Variants in TEP1 observed in about 807,000 individuals in gnomAD.
The protein encoded by TEP1 is telomerase associated protein 1, also known as telomerase protein component 1.
A neutral mutation model predicts 306.3 loss-of-function variants in TEP1; 241 were observed. The ratio of observed to expected loss-of-function variants is 0.79; its 90% CI spans 0.71 to 0.88. TEP1 has a LOEUF of 0.88. Ranked by LOEUF, TEP1 falls within the 40% of genes least tolerant of loss-of-function variation. The pLI, the probability that TEP1 is intolerant of heterozygous loss-of-function variation, is 0.00. For synonymous variants in TEP1, 1,289 were observed against 1,305.5 expected (o/e 0.99, Z 0.27); for missense variants, 3,051 against 3,276.1 (o/e 0.93, Z 1.68).
rs1030153465 is a variant in TEP1 at position 20,366,416 on chromosome 14, T to A, written c.*2021A>T. 1 of 152,186 alleles carries A rather than the reference T, an allele frequency of 6.6e-6. No individual in the cohort carries two copies. Among genetic ancestry groups the A allele is most frequent in the African/African-American group, 2.4e-5 (1 of 41,426 alleles). 9.4% of individuals were successfully genotyped at this position (152,186 alleles called of 1,614,324 possible). A position where few individuals can be genotyped will look rare whatever the true frequency, so the allele number is the denominator to read the frequency against. On this transcript the variant is annotated 3_prime_UTR_variant, in exon 55 of 55. Transcript: ENST00000262715. ...TTCGCTGCAGGATTTCTGGCAAGGA[T>A]TATGGATCATAAATTTCAAAATACC...
At chr14:20,393,321 ATATT>A (rs1480346231) in intron 12 of TEP1, among the ~76,000 whole-genome samples, 7 of 152,204 alleles carry the variant, frequency 4.6e-5, no homozygotes, top group Non-Finnish European at 7.3e-5. Context: ...ACTTGTGTGC[ATATT>A]TAAAGTTTTT....
In TEP1 at chr14:20,388,023, C is replaced by T. The variant is rs779086209; in HGVS notation, c.2566G>A (p.Val856Met). 6.2e-7 allele frequency: 1 copy of T among 1,614,130 alleles called. No homozygotes were observed. The highest frequency in any genetic ancestry group is 8.5e-7 in the Non-Finnish European group (1 of 1,180,016). Residue 856 changes from valine to methionine, a missense_variant, in exon 18 of 55, where the codon GTG becomes ATG. Val to Met is a conservative substitution (Grantham distance 21). Coordinates refer to ENST00000262715, the MANE Select transcript of TEP1 (RefSeq NM_007110.5). ...EHGASHLLEH[V>M]GQMDKIFKIP... ...TTGAATATTTTGTCCATTTGGCCCA[C>T]ATGTTCCAGAAGATGGGAGGCCCCA...
chr14:20,375,972 G>T, intron 42 of TEP1, 104 bp from the exon 43 acceptor site: 1 of 1,472,310 alleles, frequency 6.8e-7, no homozygotes, highest in Non-Finnish European at 9.4e-7. Flanking sequence ...GCACAAGGAA[G>T]CACAGGCAGA....
At chr14:20,393,184 T>G (rs1466348499) in intron 12 of TEP1, among the ~76,000 whole-genome samples, 1 of 150,458 alleles carries the variant, frequency 6.6e-6, no homozygotes, top group African/African-American at 2.5e-5. Flanking sequence ...GCCACTGCAC[T>G]CCAGCCTGGG....
chr14:20,370,055 C>T (rs996458959), intron 51 of TEP1, among the ~76,000 whole-genome samples: 6 of 152,154 alleles, frequency 3.9e-5, no homozygotes, highest in African/African-American at 1.2e-4. Flanking sequence ...CTGGGAACAC[C>T]GGCGTGCGCC....
At position 20,373,328 on chromosome 14, in the gene TEP1, G is replaced by A. The variant is rs751449109; in HGVS notation, c.6756C>T (p.Leu2252=). The change falls in exon 47 of 55, where the codon CTC becomes CTT. Residue 2252 remains leucine, a synonymous_variant. Coordinates refer to ENST00000262715, the MANE Select transcript of TEP1 (RefSeq NM_007110.5). ...RAAAVSETSG[L]MLTASEDGSV... ...AACCATCCTCAGAGGCGGTCAGCAT[G>A]AGGCCTGAGGTTTCTGAAACAGCAG... The A allele has an allele frequency of 6.2e-7, 1 of 1,614,202 alleles. No individual in the cohort carries two copies. Among genetic ancestry groups the A allele is most frequent in the Non-Finnish European group, 8.5e-7 (1 of 1,180,040 alleles).
In TEP1 at chr14:20,373,545, C is replaced by A. The variant is rs766727831; in HGVS notation, c.6643G>T (p.Gly2215Trp). The A allele has an allele frequency of 6.2e-7, 1 of 1,614,174 alleles. No individual in the cohort carries two copies. The change falls in exon 46 of 55, where the codon GGG becomes TGG. Residue 2215 changes from glycine to tryptophan, a missense_variant. Physicochemically the swap from Gly to Trp is radical, Grantham distance 184. This residue lies in a region of TEP1 where 1,540 missense variants were observed against 1,705.9 expected (regional missense o/e 0.90). Coordinates refer to ENST00000262715, the MANE Select transcript of TEP1 (RefSeq NM_007110.5). ...PGSELLVVTVGLDGATRLWHP... is the reference protein window; with the variant it reads ...PGSELLVVTVWLDGATRLWHP... ...CATAACCGTGTGGCCCCATCTAGCCCGACGGTTACCACCAGAAGCTCTGAC... is the reference window on the plus strand; with the variant it reads ...CATAACCGTGTGGCCCCATCTAGCCAGACGGTTACCACCAGAAGCTCTGAC...
At chr14:20,380,831 C>G in intron 33 of TEP1, 100 bp downstream of exon 33, 1 of 1,011,110 alleles carries the variant, frequency 9.9e-7, no homozygotes, top group South Asian at 1.4e-5. Context: ...TCTTTTTTCC[C>G]TGACACCCAC....
At chr14:20,403,536 C>T (rs1470724441) in intron 6 of TEP1, 88 bp from the exon 7 acceptor site, 1 of 1,596,258 alleles carries the variant, frequency 6.3e-7, no homozygotes, top group African/African-American at 1.4e-5. Context: ...TGCATCTCTA[C>T]CAAAAAGGAA....
intron 49 of TEP1, among the ~76,000 whole-genome samples, chr14:20,372,380 ATGTG>A (rs59329010): frequency 1.2e-3 from 173 of 139,646 alleles, no homozygotes; most frequent in African/African-American, 3.3e-3. Flanking sequence ...GTGTGTGTGT[ATGTG>A]TGTGTGTGTG....
In TEP1 at chr14:20,389,620, C is replaced by A. The variant is rs778267409; in HGVS notation, c.2455G>T (p.Val819Leu). 18 of 1,614,128 alleles carry A rather than the reference C, an allele frequency of 1.1e-5. No individual in the cohort carries two copies. The South Asian group carries it at 1.9e-4, about 17-fold the overall frequency. ...CLFVGILLRR[V>L]QYLSTDLNPN... is the part of the protein sequence containing the mutation. ...TATAAGCACCCTTACAGGTATTGTA[C>A]CCTTCTTAGGAGGATACCAACAAAG... Residue 819 changes from valine to leucine, a missense_variant, in exon 16 of 55, where the codon GTA (valine) becomes TTA (leucine). Val to Leu is a conservative substitution (Grantham distance 32, BLOSUM62 1). Around this residue, in one of 3 missense-constraint regions of TEP1, gnomAD observed 1,507 missense variants for 1,550.5 expected, o/e 0.97. Coordinates refer to ENST00000262715, the MANE Select transcript of TEP1 (RefSeq NM_007110.5).
At chr14:20,412,782 C>T (rs1273497788) in intron 1 of TEP1, among the ~76,000 whole-genome samples, 13 of 149,228 alleles carry the variant, frequency 8.7e-5, no homozygotes, top group African/African-American at 3.2e-4. Context: ...CCTTAGCCTT[C>T]CGAGTAACTG....
chr14:20,408,104 C>T lies in TEP1; in HGVS notation c.336G>A (p.Leu112=), dbSNP rs769649189. 9 of 1,613,462 alleles carry T rather than the reference C, an allele frequency of 5.6e-6. No homozygotes were observed. Among genetic ancestry groups the T allele is most frequent in the Non-Finnish European group, 7.6e-6 (9 of 1,179,686 alleles). Residue 112 remains leucine (L), a synonymous_variant, in exon 2 of 55, where the codon CTG becomes CTA. Coordinates refer to ENST00000262715, the MANE Select transcript of TEP1 (RefSeq NM_007110.5). ...PDILSLENRC[L]ATLSSLKSTV... ...TGCTCTTTAGACTAGAGAGGGTGGCCAGGCACCGGTTCTCCAAGGAGAGGA... is the reference window on the plus strand; with the variant it reads ...TGCTCTTTAGACTAGAGAGGGTGGCTAGGCACCGGTTCTCCAAGGAGAGGA...
At chr14:20,370,957 A>T (rs969486313) in intron 51 of TEP1, among the ~76,000 whole-genome samples, 1 of 152,240 alleles carries the variant, frequency 6.6e-6, no homozygotes, top group Non-Finnish European at 1.5e-5. Flanking sequence ...AGACACGGGA[A>T]AAAATGCAAT....
rs377196077 is a variant in TEP1, at chr14:20,403,833, G to A, written c.1084C>T (p.Arg362Cys). The change falls in exon 6 of 55, where the codon CGT (arginine) becomes TGT (cysteine). Residue 362 changes from arginine to cysteine, a missense_variant. Coordinates refer to ENST00000262715, the MANE Select transcript of TEP1 (RefSeq NM_007110.5). The part of the protein sequence containing the change: ...NKLVPLPACL[R>C]TAMTDKFAQF... ...GCAAATTTGTCCGTCATGGCAGTAC[G>A]GAGACAGGCGGGCAGGGGCACCAGC... The A allele has an allele frequency of 1.2e-5, 20 of 1,614,120 alleles. No homozygotes were observed. Among genetic ancestry groups the A allele is most frequent in the East Asian group, 4.5e-5 (2 of 44,880 alleles).
intron 1 of TEP1, among the ~76,000 whole-genome samples, chr14:20,409,835 A>T (rs939699021): frequency 4.6e-5 from 7 of 151,878 alleles, no homozygotes; most frequent in Non-Finnish European, 7.4e-5. Context: ...CCTGGCTAAC[A>T]CAGTGAAACC....
chr14:20,400,914 T>C (rs1878661007), intron 9 of TEP1, 70 bp downstream of exon 9: 5 of 1,554,890 alleles, frequency 3.2e-6, no homozygotes, highest in Non-Finnish European at 4.4e-6. Context: ...AATCTTCTAG[T>C]GAGGATCTAA....
rs200202466 is a variant in TEP1 at position 20,373,750 on chromosome 14, C to T, written c.6532G>A (p.Val2178Met). 1.5e-4 allele frequency: 245 copies of T among 1,614,192 alleles called. No individual in the cohort carries two copies. The highest frequency in any genetic ancestry group is 1.9e-4 in the Non-Finnish European group (223 of 1,180,046). ...GTLKVWDHQG[V>M]ELTSIPAHSG... ...TGAGCAGGGATGCTGGTCAGCTCCA[C>T]GCCTTGATGGTCCCACACTTTCAAG... The change falls in exon 45 of 55, where the codon GTG (valine) becomes ATG (methionine). Residue 2178 changes from valine (V) to methionine (M), a missense_variant. Physicochemically the swap from Val to Met is conservative, Grantham distance 21. This residue lies in a region of TEP1 where 1,540 missense variants were observed against 1,705.9 expected (regional missense o/e 0.90). Coordinates refer to ENST00000262715, the MANE Select transcript of TEP1 (RefSeq NM_007110.5).
At chr14:20,378,340 C>T (rs527964420) in intron 38 of TEP1, 40 bp downstream of exon 38, 2 of 1,613,386 alleles carry the variant, frequency 1.2e-6, no homozygotes, top group African/African-American at 2.7e-5. Flanking sequence ...CACTCCTGTC[C>T]TCCTGTGCTT....
Sources: allele counts gnomAD v4.1 joint callset (sites outside exome capture counted in the v4.1 genomes callset), GRCh38; gene constraint gnomAD v4.1.1; regional missense constraint gnomAD v4.1.1; transcripts MANE v1.5; gene names NCBI Gene and HGNC (gene_info 2026-07-23, HGNC 2026-07-21).